Variants in CSMD1 observed in about 807,000 individuals in gnomAD.
CSMD1 encodes the protein CUB and sushi domain-containing protein 1.
In CSMD1, 213 loss-of-function variants were observed where a neutral mutation model predicts 417.5. That is an observed-to-expected ratio of 0.51 (90% confidence interval 0.46 to 0.57). The LOEUF is 0.57. Among genes scored for constraint, CSMD1 ranks in the 20% least tolerant of loss-of-function variants. The probability of loss-of-function intolerance (pLI) is 0.00; values close to 1 mark genes in which losing one functional copy is unlikely to be tolerated. For synonymous variants in CSMD1, 2,862 were observed against 1,736.8 expected, an observed-to-expected ratio of 1.65 and a Z score of -16.11; for missense variants, 6,923 against 4,529.7, an observed-to-expected ratio of 1.53 and a Z score of -15.17.
chr8:4,975,921 C>T (rs573235633), intron 1 of CSMD1, among the ~76,000 whole-genome samples: 2 of 152,116 alleles, frequency 1.3e-5, no homozygotes, highest in Non-Finnish European at 1.5e-5. Context: ...CTCACATTGG[C>T]CATATGTGAT....
At chr8:4,241,182 T>C (rs80191370) in intron 3 of CSMD1, among the ~76,000 whole-genome samples, 2,255 of 152,246 alleles carry the variant, frequency 0.015, 32 homozygotes, top group African/African-American at 0.035. Context: ...ATCCTGATCG[T>C]GAACTCTCCA....
chr8:4,462,279 G>A lies in CSMD1; in HGVS notation c.303-42214C>T, dbSNP rs530218177. On this transcript the variant is annotated intron_variant, in intron 2 of 69. Transcript: ENST00000635120. Reference sequence around the variant, plus strand: ...CATCTAAAAACTCCAAAATAATTAGGAATAAATTTAACAAAATAAGTACAA... The same window carrying A: ...CATCTAAAAACTCCAAAATAATTAGAAATAAATTTAACAAAATAAGTACAA... Among the ~76,000 whole-genome samples the A allele has an allele frequency of 1.4e-4, 22 of 151,966 alleles. No individual in the cohort carries two copies. In the South Asian group the frequency reaches 4.4e-3, roughly 30 times the overall value.
chr8:4,746,994 G>A (rs1811000143), intron 1 of CSMD1, among the ~76,000 whole-genome samples: 1 of 152,116 alleles, frequency 6.6e-6, no homozygotes, highest in South Asian at 2.1e-4. Context: ...TCTCAAGCAG[G>A]GAACTCGTGA....
intron 10 of CSMD1, among the ~76,000 whole-genome samples, chr8:3,566,712 T>G (rs1364780990): frequency 6.6e-6 from 1 of 152,016 alleles, no homozygotes; most frequent in Non-Finnish European, 1.5e-5. Context: ...GACATGGAAA[T>G]CAAAACCACA....
intron 54 of CSMD1, among the ~76,000 whole-genome samples, chr8:2,979,183 G>A (rs1027595644): frequency 2.0e-5 from 3 of 152,034 alleles, no homozygotes; most frequent in African/African-American, 7.3e-5. Flanking sequence ...ACAGTCTGTG[G>A]CACACCAGTT....
At chr8:4,378,505 T>C (rs79127155) in intron 3 of CSMD1, among the ~76,000 whole-genome samples, 3,871 of 152,294 alleles carry the variant, frequency 0.025, 163 homozygotes, top group African/African-American at 0.088. Flanking sequence ...TCTCTCTCTC[T>C]TTCTCTCTGT....
At chr8:4,293,004 G>C (rs542687578) in intron 3 of CSMD1, among the ~76,000 whole-genome samples, 1 of 152,308 alleles carries the variant, frequency 6.6e-6, no homozygotes, top group East Asian at 1.9e-4. Flanking sequence ...CAGGTGCAGA[G>C]GGGCAAGGGA....
intron 50 of CSMD1, among the ~76,000 whole-genome samples, chr8:3,031,563 T>C (rs977617413): frequency 1.3e-5 from 2 of 152,146 alleles, no homozygotes; most frequent in African/African-American, 4.8e-5. Context: ...TCTTTCTTTG[T>C]TGTTTCCTTG....
In CSMD1 at chr8:3,328,537, G is replaced by A. The variant is rs558193987; in HGVS notation, c.3631+14757C>T. ...TGTCATATGATCTTCGGCCTAAAAT[G>A]TATTCCTGTTTTTCCTGGCCCACAG... On this transcript the variant is annotated intron_variant, in intron 23 of 69. Coordinates refer to ENST00000635120, the MANE Select transcript of CSMD1 (RefSeq NM_033225.6). 5.3e-5 allele frequency among the ~76,000 whole-genome samples: 8 copies of A among 152,274 alleles called. No individual in the cohort carries two copies. In the East Asian group the frequency reaches 1.5e-3, roughly 29 times the overall value.
intron 11 of CSMD1, among the ~76,000 whole-genome samples, chr8:3,492,887 G>C (rs1008892806): frequency 6.6e-6 from 1 of 152,014 alleles, no homozygotes; most frequent in Non-Finnish European, 1.5e-5. Flanking sequence ...GTCTGGAAAG[G>C]TGTATGGCAT....
At chr8:3,783,447 C>T (rs141558351) in intron 5 of CSMD1, among the ~76,000 whole-genome samples, 1 of 152,128 alleles carries the variant, frequency 6.6e-6, no homozygotes. Flanking sequence ...GATGGCAGGT[C>T]GGGAGCACAG....
intron 1 of CSMD1, among the ~76,000 whole-genome samples, chr8:4,647,452 C>G (rs899854597): frequency 2.0e-5 from 3 of 151,692 alleles, no homozygotes; most frequent in African/African-American, 7.3e-5. Flanking sequence ...ATGCGTGTGC[C>G]ACGGCGGCCT....
At chr8:3,474,653 G>A (rs912335993) in intron 11 of CSMD1, among the ~76,000 whole-genome samples, 3 of 152,086 alleles carry the variant, frequency 2.0e-5, no homozygotes, top group Non-Finnish European at 2.9e-5. Context: ...ATATCAATTA[G>A]CCTAAGGGGA....
chr8:3,015,011 A>T (rs11779410), intron 52 of CSMD1, among the ~76,000 whole-genome samples: 4,840 of 151,254 alleles, frequency 0.032, 95 homozygotes, highest in African/African-American at 0.061. Context: ...TATGTGTGTA[A>T]CGAAAATCTC....
intron 5 of CSMD1, among the ~76,000 whole-genome samples, chr8:3,966,202 T>C (rs111615386): frequency 3.3e-5 from 5 of 152,282 alleles, no homozygotes; most frequent in South Asian, 4.1e-4. Flanking sequence ...GTATAAAATA[T>C]GCCAGATTGC....
intron 3 of CSMD1, among the ~76,000 whole-genome samples, chr8:4,089,466 TC>T (rs1246802851): frequency 6.6e-6 from 1 of 152,078 alleles, no homozygotes; most frequent in African/African-American, 2.4e-5. Flanking sequence ...TTCATAGTTT[TC>T]AAAAAAGGTA....
chr8:4,781,263 C>T (rs1481034916), intron 1 of CSMD1, among the ~76,000 whole-genome samples: 2 of 152,190 alleles, frequency 1.3e-5, no homozygotes, highest in Non-Finnish European at 2.9e-5. Context: ...GGAATGCCCT[C>T]CTGCAGTGGA....
Position 3,399,456 on chromosome 8 carries a change from A to T in CSMD1, c.2340T>A (p.Asp780Glu). Residue 780 changes from aspartate to glutamate, a missense_variant, in exon 16 of 70, where the codon GAT (aspartate) becomes GAA (glutamate). Physicochemically the swap from Asp to Glu is conservative, Grantham distance 45. Transcript: ENST00000635120. ...LPPGWPGYYK[D>E]SLHCEWIIEA... ...CAATTATCCATTCACAATGTAAAGAATCCTTATAATATCCTGGCCATCCAG... is the reference window on the plus strand; with the variant it reads ...CAATTATCCATTCACAATGTAAAGATTCCTTATAATATCCTGGCCATCCAG... The T allele has an allele frequency of 6.2e-7, 1 of 1,610,648 alleles. No homozygotes were observed. Among genetic ancestry groups the T allele is most frequent in the Non-Finnish European group, 8.5e-7 (1 of 1,178,382 alleles).
intron 3 of CSMD1, among the ~76,000 whole-genome samples, chr8:4,160,177 T>C (rs904919937): frequency 2.6e-5 from 4 of 152,172 alleles, no homozygotes; most frequent in Middle Eastern, 3.2e-3. Flanking sequence ...TGACTAAGAC[T>C]TAAGGGGAAG....
Sources: gnomAD v4.1 joint callset for allele counts (sites outside exome capture counted in the v4.1 genomes callset) on GRCh38, gnomAD v4.1.1 for gene constraint, MANE v1.5 for transcripts, NCBI Gene and HGNC (gene_info 2026-07-23, HGNC 2026-07-21) for gene names.